Variants in ALDH5A1 observed in about 807,000 individuals in gnomAD.
ALDH5A1 encodes aldehyde dehydrogenase 5 family member A1.
Under a neutral mutation model 54.7 loss-of-function variants are expected in ALDH5A1, and 33 were observed. That is an observed-to-expected ratio of 0.60 (90% CI 0.46 to 0.81). The LOEUF (loss-of-function observed/expected upper bound fraction) is 0.81, where lower values mean the gene tolerates loss of function less well. Ranked by LOEUF, ALDH5A1 falls within the 30% of genes least tolerant of loss-of-function variation. The pLI, the probability that ALDH5A1 is intolerant of heterozygous loss-of-function variation, is 0.00. For synonymous variants in ALDH5A1, 294 were observed against 292.7 expected, an observed-to-expected ratio of 1.00 and a Z score of -0.05; for missense variants, 657 against 711.0, an observed-to-expected ratio of 0.92 and a Z score of 0.86.
At chr6:24,500,214 C>A (rs1764793528) in intron 1 of ALDH5A1, among the ~76,000 whole-genome samples, 1 of 152,102 alleles carries the variant, frequency 6.6e-6, no homozygotes, top group Non-Finnish European at 1.5e-5. Flanking sequence ...CCATTTTAAC[C>A]ATTTTTAAGT....
intron 5 of ALDH5A1, among the ~76,000 whole-genome samples, chr6:24,516,660 C>T (rs1759580584): frequency 2.0e-5 from 3 of 151,796 alleles, no homozygotes; most frequent in South Asian, 4.1e-4. Context: ...ATAAATCTGC[C>T]CAGGCGTGGT....
rs1386682721 is a variant in ALDH5A1 at position 24,535,211 on chromosome 6, A to G, written c.*1499A>G. 6.6e-6 allele frequency: 1 copy of G among 152,222 alleles called. No homozygotes were observed. The allele number at this position is 152,222 out of a possible 1,614,324, so 9.4% of individuals were successfully genotyped here. A position where few individuals can be genotyped will look rare whatever the true frequency, so the allele number is the denominator to read the frequency against. ...ATGCAATTACTCCTGAACCCCACCT[A>G]GGATTTAACATCCCTCATTGAGCCA... On this transcript the variant is annotated 3_prime_UTR_variant, in exon 10 of 10. Coordinates refer to ENST00000357578, the MANE Select transcript of ALDH5A1 (RefSeq NM_001080.3).
In ALDH5A1 at chr6:24,520,548, A is replaced by G; in HGVS notation, c.1014+4A>G. On this transcript the variant is annotated splice_donor_region_variant and intron_variant, in intron 6 of 9. Coordinates refer to ENST00000357578, the MANE Select transcript of ALDH5A1 (RefSeq NM_001080.3). ...TAAATTTAGGAACACTGGACAGGTG[A>G]GTCCTGGAGAGTATTTCAGGATGTG... 6.2e-7 allele frequency: 1 copy of G among 1,613,904 alleles called. No homozygotes were observed. The highest frequency in any genetic ancestry group is 1.3e-5 in the African/African-American group (1 of 74,986).
chr6:24,501,917 G>GTA (rs1168614051), intron 1 of ALDH5A1, among the ~76,000 whole-genome samples: 117 of 108,386 alleles, frequency 1.1e-3, no homozygotes, highest in Middle Eastern at 4.4e-3. Context: ...GTGTGTGGGT[G>GTA]TATATATATA....
chr6:24,527,788 G>A (rs555589162), intron 7 of ALDH5A1, among the ~76,000 whole-genome samples: 7 of 152,264 alleles, frequency 4.6e-5, no homozygotes, highest in African/African-American at 1.7e-4. Flanking sequence ...ACAGCTAGAA[G>A]ATATCAAAGA....
At chr6:24,504,750 A>G (rs1401099524) in intron 3 of ALDH5A1, 119 bp from the exon 4 acceptor site, 4 of 1,026,470 alleles carry the variant, frequency 3.9e-6, no homozygotes, top group East Asian at 2.4e-5. Context: ...TGTGCAGCCA[A>G]ACGGGTTTGT....
In ALDH5A1 at chr6:24,508,386, A is replaced by AGG. The variant is rs1424857506; in HGVS notation, c.726+3401_726+3402insGG. On this transcript the variant is annotated intron_variant, in intron 4 of 9. Transcript: ENST00000357578. ...CAAAAAAAAAAAAAAAAAAAAAAAA[A>AGG]AAGATTAATAGTCTCTAATCCTCTA... Among the ~76,000 whole-genome samples, 16 of 52,408 alleles carry AGG rather than the reference A, an allele frequency of 3.1e-4. 1 individual carries two copies. Among genetic ancestry groups the AGG allele is most frequent in the Non-Finnish European group, 7.4e-4 (13 of 17,542 alleles). The allele number at this position is 52,408 out of a possible 152,430, so 34.4% of individuals were successfully genotyped here. A position where few individuals can be genotyped will look rare whatever the true frequency, so the allele number is the denominator to read the frequency against.
intron 5 of ALDH5A1, among the ~76,000 whole-genome samples, chr6:24,520,178 A>G (rs1759651635): frequency 1.3e-5 from 2 of 152,160 alleles, no homozygotes; most frequent in Non-Finnish European, 2.9e-5. Context: ...TGCTGGGACT[A>G]CAGGTGCACA....
chr6:24,508,090 C>T (rs958715421), intron 4 of ALDH5A1, among the ~76,000 whole-genome samples: 6 of 151,962 alleles, frequency 3.9e-5, no homozygotes, highest in Non-Finnish European at 5.9e-5. Flanking sequence ...CCAGGCCAGG[C>T]GCGGTGGCTC....
intron 7 of ALDH5A1, among the ~76,000 whole-genome samples, chr6:24,525,434 C>A (rs1759781132): frequency 1.3e-5 from 2 of 151,918 alleles, no homozygotes; most frequent in East Asian, 3.9e-4. Context: ...CACAGTGGCT[C>A]ACGCCTATAA....
intron 7 of ALDH5A1, 139 bp downstream of exon 7, chr6:24,523,064 T>G: frequency 2.1e-5 from 16 of 765,110 alleles, no homozygotes; most frequent in Non-Finnish European, 2.7e-5. Context: ...ACAGAAGGAA[T>G]AAGCTCTGGT....
Position 24,518,609 on chromosome 6 carries a change from G to A in ALDH5A1, c.871-1792G>A, listed in dbSNP as rs1050497178. Among the ~76,000 whole-genome samples the A allele has an allele frequency of 6.6e-6, 1 of 152,198 alleles. No individual in the cohort carries two copies. The highest frequency in any genetic ancestry group is 2.4e-5 in the African/African-American group (1 of 41,446). ...AAGTTTAAATAGTTATGTTGCGTCC[G>A]ATAAAGAAATATGTTTAGTCTTAAA... is the stretch of plus-strand genomic sequence containing the variant. On this transcript the variant is annotated intron_variant, in intron 5 of 9. Coordinates refer to ENST00000357578, the MANE Select transcript of ALDH5A1 (RefSeq NM_001080.3). The surrounding 1 kb of genome is among the most constrained non-coding windows in gnomAD (Gnocchi z 4.2).
chr6:24,502,017 T>G (rs1764832150), intron 1 of ALDH5A1, among the ~76,000 whole-genome samples: 1 of 151,928 alleles, frequency 6.6e-6, no homozygotes. Flanking sequence ...TATAAAGGAC[T>G]GGCTCATGTG....
chr6:24,499,825 AT>A (rs1166702207), intron 1 of ALDH5A1, among the ~76,000 whole-genome samples: 20 of 151,942 alleles, frequency 1.3e-4, no homozygotes, highest in Non-Finnish European at 1.5e-5. Context: ...TGCCCGGGTA[AT>A]TTTTTTGTAT....
rs956093736 is a variant in ALDH5A1, at chr6:24,536,692, A to G, written c.*2980A>G. On this transcript the variant is annotated 3_prime_UTR_variant, in exon 10 of 10. Coordinates refer to ENST00000357578, the MANE Select transcript of ALDH5A1 (RefSeq NM_001080.3). ...GAAATTAGCCACGTAACAAGAGTCT[A>G]TTTGCCTTGAAAAAACAATTATCCT... 6.6e-5 allele frequency: 10 copies of G among 152,238 alleles called. No individual in the cohort carries two copies. The highest frequency in any genetic ancestry group is 2.2e-4 in the African/African-American group (9 of 41,468). The allele number at this position is 152,238 out of a possible 1,614,324, so 9.4% of individuals were successfully genotyped here.
intron 7 of ALDH5A1, among the ~76,000 whole-genome samples, chr6:24,527,188 C>G (rs1233319666): frequency 2.0e-5 from 3 of 151,686 alleles, no homozygotes; most frequent in Admixed American, 6.6e-5. Context: ...ATTCTGTACT[C>G]AAGCAAATTA....
chr6:24,508,379 AAAAAAAAAAGAT>A (rs1342200039), intron 4 of ALDH5A1, among the ~76,000 whole-genome samples: 3 of 52,600 alleles, frequency 5.7e-5, no homozygotes, highest in East Asian at 2.8e-4. Context: ...AAAAAAAAAA[AAAAAAAAAAGAT>A]TAATAGTCTC....
intron 1 of ALDH5A1, among the ~76,000 whole-genome samples, chr6:24,496,365 A>G (rs1409058535): frequency 6.6e-6 from 1 of 152,226 alleles, no homozygotes; most frequent in Non-Finnish European, 1.5e-5. Context: ...TGCAATATGG[A>G]AAAAAGGTAG....
chr6:24,523,687 C>T (rs1237452522), intron 7 of ALDH5A1, among the ~76,000 whole-genome samples: 2 of 152,172 alleles, frequency 1.3e-5, no homozygotes, highest in Non-Finnish European at 2.9e-5. Flanking sequence ...AGATGGTTTG[C>T]GTTTCGGCTG....
Sources: gnomAD v4.1 joint callset for allele counts (sites outside exome capture counted in the v4.1 genomes callset) on GRCh38, gnomAD v4.1.1 for gene constraint, Gnocchi (gnomAD v3.1) non-coding constraint, MANE v1.5 for transcripts, NCBI Gene and HGNC (gene_info 2026-07-23, HGNC 2026-07-21) for gene names.